The following SGCZ variants were observed in gnomAD, a reference collection of about 807,000 sequenced individuals.
SGCZ encodes the protein sarcoglycan zeta, also known as zeta-sarcoglycan.
A neutral mutation model predicts 41.3 loss-of-function variants in SGCZ; 40 were observed. That is an observed-to-expected ratio of 0.97 (90% CI 0.75 to 1.26). SGCZ has a LOEUF of 1.26. Among genes scored for constraint, SGCZ ranks in the 50% most tolerant of loss-of-function variants. The pLI is 0.00. For synonymous variants in SGCZ, 206 were observed against 137.5 expected (o/e 1.50, Z -3.49); for missense variants, 552 against 369.8 (o/e 1.49, Z -4.04).
chr8:14,325,597 T>G (rs1297147460), intron 2 of SGCZ, among the ~76,000 whole-genome samples: 2 of 147,068 alleles, frequency 1.4e-5, no homozygotes, highest in African/African-American at 5.0e-5. Flanking sequence ...TAATCACATA[T>G]AGTTGATTAT....
chr8:15,200,122 A>G (rs1800846789), intron 1 of SGCZ, among the ~76,000 whole-genome samples: 1 of 152,242 alleles, frequency 6.6e-6, no homozygotes, highest in South Asian at 2.1e-4. Context: ...CTCTTCATCC[A>G]AAGTAAACCA....
At chr8:14,975,478 C>T (rs750037876) in intron 1 of SGCZ, among the ~76,000 whole-genome samples, 1 of 152,114 alleles carries the variant, frequency 6.6e-6, no homozygotes, top group Non-Finnish European at 1.5e-5. Flanking sequence ...GGCTTCCATG[C>T]TATCAATCTA....
chr8:14,506,390 A>C (rs1376975431), intron 2 of SGCZ, among the ~76,000 whole-genome samples: 3 of 151,966 alleles, frequency 2.0e-5, no homozygotes. Flanking sequence ...CTCCAGCTCC[A>C]CTATCTCTTC....
At chr8:14,770,667 T>G (rs1041719079) in intron 1 of SGCZ, among the ~76,000 whole-genome samples, 14 of 152,152 alleles carry the variant, frequency 9.2e-5, no homozygotes. Flanking sequence ...ACTCATTCAG[T>G]AAACTTTTAT....
intron 2 of SGCZ, among the ~76,000 whole-genome samples, chr8:14,457,159 T>G (rs1800769561): frequency 6.6e-6 from 1 of 152,244 alleles, no homozygotes; most frequent in Non-Finnish European, 1.5e-5. Flanking sequence ...TTGTAGCAAT[T>G]ACTTTTTATT....
chr8:14,541,841 G>T (rs112762008), intron 2 of SGCZ, among the ~76,000 whole-genome samples: 37,531 of 151,942 alleles, frequency 0.25, 4,764 homozygotes, highest in Middle Eastern at 0.42. Context: ...GCATGAGATG[G>T]TATCTCATTG....
intron 3 of SGCZ, among the ~76,000 whole-genome samples, chr8:14,262,618 G>A (rs1260639565): frequency 6.6e-6 from 1 of 151,522 alleles, no homozygotes. Context: ...AATCTACATT[G>A]TAGCGCTCAA....
At chr8:14,704,788 A>G (rs998203136) in intron 1 of SGCZ, among the ~76,000 whole-genome samples, 1 of 151,920 alleles carries the variant, frequency 6.6e-6, no homozygotes, top group African/African-American at 2.4e-5. Context: ...TCTTTAAAAA[A>G]CACAAAAAAA....
At chr8:14,189,887 A>G (rs1805035132) in intron 4 of SGCZ, among the ~76,000 whole-genome samples, 1 of 152,228 alleles carries the variant, frequency 6.6e-6, no homozygotes, top group Non-Finnish European at 1.5e-5. Flanking sequence ...TCTAACCTGT[A>G]AGAGAAGTTC....
chr8:14,457,891 G>A lies in SGCZ; in HGVS notation c.234+96841C>T, dbSNP rs189108210. ...CCACTACCGGTCTCCGCGCATTGGTGGTAGTGGTCCCCGGGGCCCAGCTGC... is the reference window on the plus strand; with the variant it reads ...CCACTACCGGTCTCCGCGCATTGGTAGTAGTGGTCCCCGGGGCCCAGCTGC... On this transcript the variant is annotated intron_variant, in intron 2 of 7. Transcript: ENST00000382080. Among the ~76,000 whole-genome samples, 330 of 152,228 alleles carry A rather than the reference G, an allele frequency of 2.2e-3. 2 individuals carry two copies. The highest frequency in any genetic ancestry group is 0.016 in the East Asian group (82 of 5,128).
At chr8:15,232,438 C>A (rs1801973267) in intron 1 of SGCZ, among the ~76,000 whole-genome samples, 1 of 152,046 alleles carries the variant, frequency 6.6e-6, no homozygotes, top group Non-Finnish European at 1.5e-5. Context: ...CAGTAGACCA[C>A]TGAAGAGTTC....
intron 1 of SGCZ, among the ~76,000 whole-genome samples, chr8:14,639,092 G>T (rs1191352680): frequency 6.9e-6 from 1 of 144,258 alleles, no homozygotes; most frequent in Admixed American, 7.3e-5. Flanking sequence ...TGTCACCCAG[G>T]CTGGAGTGCA....
At chr8:14,795,342 C>A (rs1801088029) in intron 1 of SGCZ, among the ~76,000 whole-genome samples, 1 of 152,104 alleles carries the variant, frequency 6.6e-6, no homozygotes, top group Non-Finnish European at 1.5e-5. Context: ...AGATGACACC[C>A]ATAATTCACT....
chr8:14,939,110 A>G (rs879758748), intron 1 of SGCZ, among the ~76,000 whole-genome samples: 11 of 152,068 alleles, frequency 7.2e-5, no homozygotes, highest in South Asian at 2.1e-4. Flanking sequence ...AGGTACTTCA[A>G]TCTGTTCCAG....
chr8:14,486,153 T>G (rs900618053), intron 2 of SGCZ, among the ~76,000 whole-genome samples: 1 of 152,206 alleles, frequency 6.6e-6, no homozygotes, highest in Non-Finnish European at 1.5e-5. Flanking sequence ...GTTGTTCTGG[T>G]TTGGACAATA....
chr8:14,732,490 T>A (rs1798893395), intron 1 of SGCZ, among the ~76,000 whole-genome samples: 4 of 152,172 alleles, frequency 2.6e-5, no homozygotes, highest in Admixed American at 2.6e-4. Flanking sequence ...TCAAGTTCTC[T>A]AAGCCCTCTG....
intron 1 of SGCZ, among the ~76,000 whole-genome samples, chr8:15,232,471 T>A (rs983591909): frequency 6.6e-5 from 10 of 152,006 alleles, no homozygotes; most frequent in African/African-American, 2.4e-4. Context: ...TTGTCCAACT[T>A]CCCACAAATG....
At chr8:14,883,119 G>A (rs1804656850) in intron 1 of SGCZ, among the ~76,000 whole-genome samples, 1 of 151,768 alleles carries the variant, frequency 6.6e-6, no homozygotes, top group Non-Finnish European at 1.5e-5. Context: ...CTGTTTTAGA[G>A]GTAAACTCTT....
intron 1 of SGCZ, among the ~76,000 whole-genome samples, chr8:14,630,017 T>C (rs1157992309): frequency 6.6e-6 from 1 of 152,110 alleles, no homozygotes; most frequent in Non-Finnish European, 1.5e-5. Flanking sequence ...TCAAATACTT[T>C]GTATTATCTC....
Sources: gnomAD v4.1 joint callset for allele counts (sites outside exome capture counted in the v4.1 genomes callset) on GRCh38, gnomAD v4.1.1 for gene constraint, MANE v1.5 for transcripts, NCBI Gene and HGNC (gene_info 2026-07-23, HGNC 2026-07-21) for gene names.